PTH2R: variants seen among roughly 807,000 people sequenced by gnomAD.
PTH2R encodes parathyroid hormone 2 receptor, also known as PTH2 receptor.
A neutral mutation model predicts 60.3 loss-of-function variants in PTH2R; 59 were observed. The observed-to-expected ratio is 0.98, with a 90% CI of 0.79 to 1.22. The LOEUF (loss-of-function observed/expected upper bound fraction) is 1.22. Among genes scored for constraint, PTH2R ranks in the 50% most tolerant of loss-of-function variants. The probability of loss-of-function intolerance (pLI) is 0.00; values close to 1 mark genes in which losing one functional copy is unlikely to be tolerated. For synonymous variants in PTH2R, 256 were observed against 243.8 expected (o/e 1.05, Z -0.47); for missense variants, 749 against 682.6 (o/e 1.10, Z -1.08).
chr2:208,377,687 C>T (rs1365309072), intron 1 of PTH2R, among the ~76,000 whole-genome samples: 2 of 151,566 alleles, frequency 1.3e-5, no homozygotes, highest in African/African-American at 4.9e-5. Context: ...GGGCTCCTCA[C>T]TTCTCAGACG....
chr2:208,448,673 C>A (rs900921848), intron 7 of PTH2R, among the ~76,000 whole-genome samples: 3 of 148,254 alleles, frequency 2.0e-5, no homozygotes, highest in African/African-American at 7.5e-5. Flanking sequence ...AGTAAATGCA[C>A]ATACTAGATA....
intron 1 of PTH2R, among the ~76,000 whole-genome samples, chr2:208,422,121 A>G (rs1467135003): frequency 6.6e-6 from 1 of 152,216 alleles, no homozygotes; most frequent in Non-Finnish European, 1.5e-5. Flanking sequence ...TCTCATTTTG[A>G]GGGCTAGAGA....
intron 1 of PTH2R, among the ~76,000 whole-genome samples, chr2:208,399,456 T>G (rs1259734108): frequency 1.3e-5 from 2 of 152,154 alleles, no homozygotes; most frequent in Non-Finnish European, 2.9e-5. Context: ...TAGTTTATGC[T>G]AACAATGTCA....
At chr2:208,396,725 A>T (rs1701216295) in intron 1 of PTH2R, among the ~76,000 whole-genome samples, 1 of 152,236 alleles carries the variant, frequency 6.6e-6, no homozygotes, top group Admixed American at 6.5e-5. Flanking sequence ...AAATGAGTTC[A>T]ACCATTGTGG....
chr2:208,393,283 T>C (rs1701142700), intron 1 of PTH2R, among the ~76,000 whole-genome samples: 1 of 132,056 alleles, frequency 7.6e-6, no homozygotes. Context: ...CAGGATGAGC[T>C]GTCCCTCAAC....
intron 8 of PTH2R, among the ~76,000 whole-genome samples, chr2:208,455,632 T>A (rs1325685626): frequency 6.6e-6 from 1 of 152,244 alleles, no homozygotes; most frequent in Non-Finnish European, 1.5e-5. Context: ...TGATTCAACT[T>A]CACATAAAAT....
intron 1 of PTH2R, among the ~76,000 whole-genome samples, chr2:208,374,943 G>A (rs1037211770): frequency 1.3e-5 from 2 of 152,138 alleles, no homozygotes; most frequent in African/African-American, 4.8e-5. Context: ...GCCTCAAGGA[G>A]CTTGCAGTTT....
chr2:208,397,758 T>A (rs1328378424), intron 1 of PTH2R, among the ~76,000 whole-genome samples: 2 of 152,042 alleles, frequency 1.3e-5, no homozygotes, highest in African/African-American at 2.4e-5. Context: ...AATATGCAAA[T>A]GAAGGGCACC....
intron 1 of PTH2R, among the ~76,000 whole-genome samples, chr2:208,396,616 A>T (rs1285931721): frequency 1.3e-5 from 2 of 152,250 alleles, no homozygotes; most frequent in Non-Finnish European, 2.9e-5. Flanking sequence ...ATACCATCTC[A>T]TGCCAGTTAG....
intron 6 of PTH2R, 121 bp from the exon 7 acceptor site, chr2:208,444,613 G>T: frequency 5.6e-6 from 5 of 886,770 alleles, no homozygotes; most frequent in Non-Finnish European, 8.4e-6. Context: ...TGACTTTACT[G>T]TGTAAAGGAG....
chr2:208,485,775 T>G (rs1703260213), intron 10 of PTH2R, among the ~76,000 whole-genome samples: 1 of 152,142 alleles, frequency 6.6e-6, no homozygotes, highest in Non-Finnish European at 1.5e-5. Flanking sequence ...TCGCCTTGAG[T>G]GTGGTTAAGA....
chr2:208,471,358 G>A (rs1045044211), intron 9 of PTH2R, among the ~76,000 whole-genome samples: 4 of 152,196 alleles, frequency 2.6e-5, no homozygotes, highest in African/African-American at 9.6e-5. Flanking sequence ...GGAGGAAAAA[G>A]TGGTTTTGTG....
At chr2:208,428,413 C>A in intron 2 of PTH2R, 110 bp downstream of exon 2, 1 of 734,708 alleles carries the variant, frequency 1.4e-6, no homozygotes. Context: ...AGTCAATCCA[C>A]ATTTCCATGT....
At chr2:208,492,969 T>A (rs1703439705) in intron 12 of PTH2R, among the ~76,000 whole-genome samples, 1 of 152,134 alleles carries the variant, frequency 6.6e-6, no homozygotes, top group South Asian at 2.1e-4. Context: ...CTCCTTTTTT[T>A]CCTCTCCCAT....
At chr2:208,442,487 A>G (rs1181737660) in intron 5 of PTH2R, 26 bp downstream of exon 5, 2 of 1,497,094 alleles carry the variant, frequency 1.3e-6, no homozygotes, top group East Asian at 2.3e-5. Flanking sequence ...CACTTTTTCC[A>G]TGAAGGGGCA....
intron 1 of PTH2R, among the ~76,000 whole-genome samples, chr2:208,424,831 C>G (rs190681789): frequency 2.9e-4 from 44 of 152,268 alleles, no homozygotes; most frequent in Non-Finnish European, 5.3e-4. Context: ...CAGCATTATT[C>G]TATCAGGAGT....
In PTH2R at chr2:208,481,066, T is replaced by C. The variant is rs1703135494; in HGVS notation, c.982-4T>C. On this transcript the variant is annotated splice_region_variant and splice_polypyrimidine_tract_variant and intron_variant, in intron 9 of 12. Transcript: ENST00000272847. ...ATTCTTTGTAATCTTACCTTCTTTT[T>C]CAGCTGAATTTTATTCTGTTTCTGA... is the stretch of plus-strand genomic sequence containing the variant. The C allele has an allele frequency of 6.3e-7, 1 of 1,577,160 alleles. No individual in the cohort carries two copies. The highest frequency in any genetic ancestry group is 8.7e-7 in the Non-Finnish European group (1 of 1,151,400).
chr2:208,377,528 G>T (rs565851336), intron 1 of PTH2R, among the ~76,000 whole-genome samples: 1 of 147,732 alleles, frequency 6.8e-6, no homozygotes, highest in East Asian at 2.0e-4. Flanking sequence ...CAGACGGGGC[G>T]GCTGGCCGGG....
chr2:208,370,463 A>T (rs1261156854), intron 1 of PTH2R, among the ~76,000 whole-genome samples: 3 of 148,446 alleles, frequency 2.0e-5, no homozygotes, highest in Non-Finnish European at 3.0e-5. Context: ...AAAAAAAAAA[A>T]AAAAAAAAAA....
Sources: gnomAD v4.1 joint callset for allele counts (sites outside exome capture counted in the v4.1 genomes callset) on GRCh38, gnomAD v4.1.1 for gene constraint, MANE v1.5 for transcripts, NCBI Gene and HGNC (gene_info 2026-07-23, HGNC 2026-07-21) for gene names.